Variants in CCNG2 observed in about 807,000 individuals in gnomAD.
CCNG2 encodes the protein cyclin G2, also known as cyclin-G2.
A neutral mutation model predicts 36.5 loss-of-function variants in CCNG2; 20 were observed. The observed-to-expected ratio is 0.55, with a 90% CI of 0.39 to 0.80. The LOEUF (loss-of-function observed/expected upper bound fraction) is 0.80. Among genes scored for constraint, CCNG2 ranks in the 30% least tolerant of loss-of-function variants. The pLI is 0.00. For missense variants in CCNG2, 358 were observed against 390.8 expected (o/e 0.92, Z 0.71); for synonymous variants, 155 against 140.1 (o/e 1.11, Z -0.75).
rs996393456 is a variant in CCNG2 at position 77,169,610 on chromosome 4, C to T, written c.*3686C>T. ...AGCCTAGGCTTTAAGAGACTGGCAG[C>T]TTTCCTTTTATCCTTTTTGGAAGCT... On this transcript the variant is annotated 3_prime_UTR_variant, in exon 8 of 8. Transcript: ENST00000316355. The T allele has an allele frequency of 1.3e-5, 2 of 152,226 alleles. No individual in the cohort carries two copies. Among genetic ancestry groups the T allele is most frequent in the African/African-American group, 2.4e-5 (1 of 41,454 alleles). The allele number at this position is 152,226 out of a possible 1,614,324, so 9.4% of individuals were successfully genotyped here. A position where few individuals can be genotyped will look rare whatever the true frequency, so the allele number is the denominator to read the frequency against.
chr4:77,166,023 T>A lies in CCNG2; in HGVS notation c.*99T>A. 2.7e-6 allele frequency: 3 copies of A among 1,115,230 alleles called. No homozygotes were observed. The highest frequency in any genetic ancestry group is 3.8e-6 in the Non-Finnish European group (3 of 795,878). 69.1% of individuals were successfully genotyped at this position (1,115,230 alleles called of 1,614,324 possible). ...GTTTAGCCCCCATCTAGTCAGGAAT[T>A]AATATACTGGAATACCTACCTTCTA... On this transcript the variant is annotated 3_prime_UTR_variant, in exon 8 of 8. Transcript: ENST00000316355.
chr4:77,161,596 T>A (rs1287954690), intron 5 of CCNG2, 38 bp downstream of exon 5: 1 of 1,574,668 alleles, frequency 6.4e-7, no homozygotes, highest in Non-Finnish European at 8.6e-7. Context: ...ATCTCACAGT[T>A]TGTATTTTGA....
At chr4:77,164,623 A>G in intron 7 of CCNG2, 144 bp downstream of exon 7, 1 of 588,684 alleles carries the variant, frequency 1.7e-6, no homozygotes, top group East Asian at 2.8e-5. Context: ...CTCTTCAGGT[A>G]AGCAAATTAA....
chr4:77,158,169 C>T (rs1177108923), intron 1 of CCNG2: 1 of 212,486 alleles, frequency 4.7e-6, no homozygotes, highest in Non-Finnish European at 9.4e-6. Flanking sequence ...GCTGCAGTCG[C>T]TCGCCACACT....
At position 77,159,400 on chromosome 4, in the gene CCNG2, G is replaced by A. The variant is rs747632023; in HGVS notation, c.172G>A (p.Ala58Thr). Reference protein sequence around the residue: ...DNTLCPGLRNAKVEDLRSLAN... With the variant: ...DNTLCPGLRNTKVEDLRSLAN... ...CACTTTGTGTCCAGGATTGAGAAATGCCAAAGTTGAAGATTTAAGGAGTTT... is the reference window on the plus strand; with the variant it reads ...CACTTTGTGTCCAGGATTGAGAAATACCAAAGTTGAAGATTTAAGGAGTTT... Residue 58 changes from alanine (A) to threonine (T), a missense_variant, in exon 3 of 8, where the codon GCC becomes ACC. Physicochemically the swap from Ala to Thr is moderately conservative, Grantham distance 58. Transcript: ENST00000316355. 6 of 1,613,448 alleles carry A rather than the reference G, an allele frequency of 3.7e-6. No individual in the cohort carries two copies. Among genetic ancestry groups the A allele is most frequent in the Admixed American group, 3.3e-5 (2 of 59,970 alleles).
intron 3 of CCNG2, 134 bp from the exon 4 acceptor site, chr4:77,160,587 T>G: frequency 1.3e-6 from 1 of 754,976 alleles, no homozygotes; most frequent in Non-Finnish European, 2.1e-6. Context: ...TAATTGTGGG[T>G]AAAGAGCCAG....
At chr4:77,160,531 T>TGGGGGGGGG (rs555537901) in intron 3 of CCNG2, among the ~76,000 whole-genome samples, 190 bp from the exon 4 acceptor site, 1 of 107,368 alleles carries the variant, frequency 9.3e-6, no homozygotes, top group African/African-American at 4.3e-5. Flanking sequence ...CCTTTTTTTT[T>TGGGGGGGGG]GGGGGGGGGG....
rs1731677792 is a variant in CCNG2, at chr4:77,168,236, G to A, written c.*2312G>A. The A allele has an allele frequency of 6.6e-6, 1 of 152,170 alleles. No homozygotes were observed. The highest frequency in any genetic ancestry group is 2.4e-5 in the African/African-American group (1 of 41,430). 9.4% of individuals were successfully genotyped at this position (152,170 alleles called of 1,614,324 possible). On this transcript the variant is annotated 3_prime_UTR_variant, in exon 8 of 8. Transcript: ENST00000316355. ...TTTTGCCTGTTTATGGAGGTCACCA[G>A]CCTCTATCATTTGTATGATTTCGTT...
rs533819533 is a variant in CCNG2 at position 77,164,443 on chromosome 4, C to T, written c.875C>T (p.Thr292Met). Residue 292 changes from threonine to methionine, a missense_variant, in exon 7 of 8, where the codon ACG becomes ATG. Thr to Met is a moderately conservative substitution (Grantham distance 81, BLOSUM62 -1). Transcript: ENST00000316355. ...NSYYSVPELP[T>M]IPEGGCFDES... Reference sequence around the variant, plus strand: ...TACTATAGTGTTCCTGAGCTGCCAACGATACCTGAGGGGGGTTGTTTTGAT... The same window carrying T: ...TACTATAGTGTTCCTGAGCTGCCAATGATACCTGAGGGGGGTTGTTTTGAT... The T allele has an allele frequency of 2.7e-5, 43 of 1,613,864 alleles. No individual in the cohort carries two copies. Among genetic ancestry groups the T allele is most frequent in the Non-Finnish European group, 3.2e-5 (38 of 1,179,944 alleles).
chr4:77,165,276 A>G (rs1008025842), intron 7 of CCNG2, among the ~76,000 whole-genome samples: 1 of 152,172 alleles, frequency 6.6e-6, no homozygotes, highest in African/African-American at 2.4e-5. Flanking sequence ...ATATGCTAGG[A>G]GGTATGTTGT....
chr4:77,161,855 CTT>C (rs1731448101), intron 6 of CCNG2, 108 bp downstream of exon 6: 2 of 677,916 alleles, frequency 3.0e-6, no homozygotes, highest in Non-Finnish European at 5.0e-6. Context: ...AACTTTTACA[CTT>C]GTTTTTTTTC....
At chr4:77,162,069 AACAC>A (rs1731453772) in intron 6 of CCNG2, among the ~76,000 whole-genome samples, 1 of 152,208 alleles carries the variant, frequency 6.6e-6, no homozygotes. Flanking sequence ...ACTCAGAACA[AACAC>A]TAATGGGATA....
Position 77,166,046 on chromosome 4 carries a change from C to T in CCNG2, c.*122C>T. ...ATTAATATACTGGAATACCTACCTT[C>T]TATTTGTTATTCAGATCAGATCTGG... is the stretch of plus-strand genomic sequence containing the variant. On this transcript the variant is annotated 3_prime_UTR_variant, in exon 8 of 8. Transcript: ENST00000316355. The T allele has an allele frequency of 1.1e-6, 1 of 882,308 alleles. No homozygotes were observed. Among genetic ancestry groups the T allele is most frequent in the Non-Finnish European group, 1.7e-6 (1 of 602,706 alleles). The allele number at this position is 882,308 out of a possible 1,614,324, so 54.7% of individuals were successfully genotyped here. A position where few individuals can be genotyped will look rare whatever the true frequency, so the allele number is the denominator to read the frequency against.
rs181569876 is a variant in CCNG2 at position 77,158,386 on chromosome 4, T to A, written c.1-147T>A. The stretch of plus-strand genomic sequence containing the variant: ...CGTGGTGGGGATTGCCCTGGGGCTC[T>A]GGCGGACGTGACTGGTCCCTTCACC... On this transcript the variant is annotated intron_variant, in intron 1 of 7. Transcript: ENST00000316355. 4.0e-4 allele frequency: 292 copies of A among 721,018 alleles called. 4 individuals are homozygous for A. The African/African-American group carries it at 4.7e-3, about 12-fold the overall frequency. The allele number at this position is 721,018 out of a possible 1,614,324, so 44.7% of individuals were successfully genotyped here. A position where few individuals can be genotyped will look rare whatever the true frequency, so the allele number is the denominator to read the frequency against.
rs908017303 is a variant in CCNG2, at chr4:77,158,527, C to T, written c.1-6C>T. 1.2e-6 allele frequency: 2 copies of T among 1,614,116 alleles called. No individual in the cohort carries two copies. The highest frequency in any genetic ancestry group is 3.3e-5 in the Admixed American group (2 of 60,028). ...TTACATTCTCTGTGTGGTGTCTTTA[C>T]TGCAGATGAAGGATTTGGGGGCAGA... On this transcript the variant is annotated splice_polypyrimidine_tract_variant and splice_region_variant and intron_variant, in intron 1 of 7. Transcript: ENST00000316355.
rs1379486324 is a variant in CCNG2, at chr4:77,157,254, G to C, written c.-253G>C. ...TCGGGGAGGTTTCCGCTGAGGCGGC[G>C]GGGGTGCGGCGGTGGGCTGGTCTTC... On this transcript the variant is annotated 5_prime_UTR_variant, in exon 1 of 8. Transcript: ENST00000316355. The C allele has an allele frequency of 6.6e-6, 1 of 152,358 alleles. No homozygotes were observed. The allele number at this position is 152,358 out of a possible 1,614,324, so 9.4% of individuals were successfully genotyped here. A position where few individuals can be genotyped will look rare whatever the true frequency, so the allele number is the denominator to read the frequency against.
chr4:77,157,266 GT>G lies in CCNG2; in HGVS notation c.-240del, dbSNP rs1731279519. 6.6e-6 allele frequency: 1 copy of G among 152,412 alleles called. No individual in the cohort carries two copies. The highest frequency in any genetic ancestry group is 1.5e-5 in the Non-Finnish European group (1 of 68,236). 9.4% of individuals were successfully genotyped at this position (152,412 alleles called of 1,614,324 possible). A position where few individuals can be genotyped will look rare whatever the true frequency, so the allele number is the denominator to read the frequency against. On this transcript the variant is annotated 5_prime_UTR_variant, in exon 1 of 8. Transcript: ENST00000316355. ...CCGCTGAGGCGGCGGGGGTGCGGCGGTGGGCTGGTCTTCCGCGGCCGGCGTT... is the reference window on the plus strand; with the variant it reads ...CCGCTGAGGCGGCGGGGGTGCGGCGGGGGCTGGTCTTCCGCGGCCGGCGTT...
intron 1 of CCNG2, among the ~76,000 whole-genome samples, chr4:77,158,110 A>G (rs1353226919): frequency 2.0e-5 from 3 of 146,428 alleles, no homozygotes; most frequent in African/African-American, 5.1e-5. Flanking sequence ...CAGTCGCGAG[A>G]CTCTCCCTCC....
chr4:77,160,543 G>GGGGGGGGC, intron 3 of CCNG2, among the ~76,000 whole-genome samples, 178 bp from the exon 4 acceptor site: 1 of 144,700 alleles, frequency 6.9e-6, no homozygotes, highest in Non-Finnish European at 1.5e-5. Context: ...GGGGGGGGGG[G>GGGGGGGGC]AGGTCGAGAA....
Sources: allele counts gnomAD v4.1 joint callset (sites outside exome capture counted in the v4.1 genomes callset), GRCh38; gene constraint gnomAD v4.1.1; transcripts MANE v1.5; gene names NCBI Gene and HGNC (gene_info 2026-07-23, HGNC 2026-07-21).